CHLSN: variants seen among roughly 807,000 people sequenced by gnomAD.
The protein encoded by CHLSN is cholesin.
At chr7:985,903 G>A in the CHLSN span, among the ~76,000 whole-genome samples, 2 of 152,172 alleles carry the variant, frequency 1.3e-5, no homozygotes, top group Admixed American at 6.5e-5. Flanking sequence ...GGGCCGTGAT[G>A]GGAGTGAGTG....
the CHLSN span, among the ~76,000 whole-genome samples, chr7:1,101,700 C>T: frequency 1.3e-5 from 2 of 152,224 alleles, no homozygotes; most frequent in South Asian, 2.1e-4. Context: ...AGGGCCCACT[C>T]AGCACGGCCA....
chr7:1,101,597 C>T, the CHLSN span, among the ~76,000 whole-genome samples: 8 of 152,234 alleles, frequency 5.3e-5, no homozygotes, highest in Non-Finnish European at 1.2e-4. Context: ...TGATTCTCGC[C>T]GGGATCAGCC....
chr7:1,077,602 C>T, the CHLSN span, among the ~76,000 whole-genome samples: 2 of 152,278 alleles, frequency 1.3e-5, no homozygotes, highest in Non-Finnish European at 2.9e-5. Context: ...CGTGCACAGG[C>T]ACACACCACC....
the CHLSN span, among the ~76,000 whole-genome samples, chr7:1,011,440 C>T: frequency 1.8e-4 from 26 of 144,038 alleles, no homozygotes; most frequent in Admixed American, 1.4e-3. Flanking sequence ...CACCCACACA[C>T]CCAAACACGC....
chr7:1,121,611 C>T, the CHLSN span, among the ~76,000 whole-genome samples: 4 of 152,276 alleles, frequency 2.6e-5, no homozygotes, highest in Non-Finnish European at 4.4e-5. Flanking sequence ...AGCCCTGCTC[C>T]CTTCCGCTGA....
the CHLSN span, among the ~76,000 whole-genome samples, chr7:1,070,185 C>T: frequency 2.4e-5 from 3 of 123,618 alleles, no homozygotes; most frequent in African/African-American, 9.1e-5. Context: ...GGAGCCTCTC[C>T]GCCCGGCAGC....
chr7:1,046,155 A>C, the CHLSN span, among the ~76,000 whole-genome samples: 40 of 152,358 alleles, frequency 2.6e-4, no homozygotes, highest in African/African-American at 7.0e-4. Context: ...TACAGTCGGA[A>C]GAGGGACATG....
chr7:1,012,873 T>G, the CHLSN span, among the ~76,000 whole-genome samples: 35 of 152,152 alleles, frequency 2.3e-4, no homozygotes, highest in African/African-American at 8.0e-4. Context: ...CGCCCTATGC[T>G]CGCGCTCACT....
chr7:1,059,782 A>G, the CHLSN span, among the ~76,000 whole-genome samples: 142 of 16,158 alleles, frequency 8.8e-3, no homozygotes, highest in Admixed American at 0.016. Flanking sequence ...GTCCGTAATG[A>G]GGCGGGTCTT....
the CHLSN span, among the ~76,000 whole-genome samples, chr7:1,012,215 G>A: frequency 5.9e-5 from 9 of 152,250 alleles, no homozygotes; most frequent in Middle Eastern, 3.2e-3. Flanking sequence ...GGGCCGCCGC[G>A]GTGGCCGAGG....
At chr7:1,059,949 G>A in the CHLSN span, among the ~76,000 whole-genome samples, 1 of 70,620 alleles carries the variant, frequency 1.4e-5, no homozygotes, top group Non-Finnish European at 3.0e-5. Context: ...GGTCCGTAAT[G>A]AGGCGGGTCT....
At chr7:1,108,913 T>C in the CHLSN span, among the ~76,000 whole-genome samples, 2 of 151,476 alleles carry the variant, frequency 1.3e-5, no homozygotes, top group South Asian at 2.1e-4. Flanking sequence ...TTTTTTTTTT[T>C]TGAGACGGAG....
the CHLSN span, chr7:1,044,498 G>A: frequency 6.6e-6 from 1 of 152,124 alleles, no homozygotes; most frequent in Non-Finnish European, 1.5e-5. Context: ...CAAGGCTGGG[G>A]GCGGGGCCAG....
At chr7:1,009,156 C>T in the CHLSN span, among the ~76,000 whole-genome samples, 166 of 152,288 alleles carry the variant, frequency 1.1e-3, no homozygotes, top group African/African-American at 3.8e-3. Flanking sequence ...GTCATCTCTC[C>T]GAGGGCCTCC....
chr7:1,104,537 T>C, the CHLSN span, among the ~76,000 whole-genome samples: 11 of 152,288 alleles, frequency 7.2e-5, no homozygotes, highest in African/African-American at 2.4e-4. Flanking sequence ...CAGCAGAGCT[T>C]TCCTCCAGGT....
At chr7:1,046,149 G>GTCT in the CHLSN span, among the ~76,000 whole-genome samples, 1 of 152,216 alleles carries the variant, frequency 6.6e-6, no homozygotes, top group Admixed American at 6.5e-5. Context: ...GTAATTTACA[G>GTCT]TCGGAAGAGG....
chr7:1,076,906 G>C, the CHLSN span, among the ~76,000 whole-genome samples: 2 of 152,262 alleles, frequency 1.3e-5, no homozygotes, highest in African/African-American at 4.8e-5. Flanking sequence ...GGCTTACGGG[G>C]TGGTCAGCGA....
At chr7:1,016,812 CCAGCGCACAG>C in the CHLSN span, among the ~76,000 whole-genome samples, 1,446 of 63,620 alleles carry the variant, frequency 0.023, 78 homozygotes, top group African/African-American at 0.069. Flanking sequence ...GCAGCACACA[CCAGCGCACAG>C]CAGCGCACAG....
the CHLSN span, among the ~76,000 whole-genome samples, chr7:998,020 G>A: frequency 6.6e-6 from 1 of 152,220 alleles, no homozygotes; most frequent in Non-Finnish European, 1.5e-5. Context: ...ATTAACCTGG[G>A]TAAAACAGAA....
Sources: gnomAD v4.1 joint callset for allele counts (sites outside exome capture counted in the v4.1 genomes callset) on GRCh38, gnomAD v4.1.1 for gene constraint, MANE v1.5 for transcripts, NCBI Gene and HGNC (gene_info 2026-07-23, HGNC 2026-07-21) for gene names.